The following SLC14A2 variants were observed in gnomAD, a reference collection of about 807,000 sequenced individuals.
The protein encoded by SLC14A2 is solute carrier family 14 member 2.
SLC14A2 carries 91 observed loss-of-function variants against 104.6 expected under a neutral mutation model. The ratio of observed to expected loss-of-function variants is 0.87; its 90% CI spans 0.73 to 1.04. The LOEUF is 1.04. Among genes scored for constraint, SLC14A2 ranks in the 50% least tolerant of loss-of-function variants. The pLI is 0.00. For synonymous variants in SLC14A2, 476 were observed against 466.4 expected (o/e 1.02, Z -0.27); for missense variants, 1,189 against 1,156.0 (o/e 1.03, Z -0.41).
intron 17 of SLC14A2, 62 bp downstream of exon 17, chr18:45,673,109 A>C: frequency 6.7e-7 from 1 of 1,485,080 alleles, no homozygotes; most frequent in South Asian, 1.2e-5. Context: ...CTCCAAATAA[A>C]ATGGTGACTC....
chr18:45,653,291 C>A, intron 10 of SLC14A2, among the ~76,000 whole-genome samples: 1 of 152,126 alleles, frequency 6.6e-6, no homozygotes, highest in Non-Finnish European at 1.5e-5. Flanking sequence ...GCTTTCCTTC[C>A]TCACAAGGCC....
At chr18:45,674,074 A>G (rs1372628754) in intron 18 of SLC14A2, among the ~76,000 whole-genome samples, 2 of 152,118 alleles carry the variant, frequency 1.3e-5, no homozygotes, top group Non-Finnish European at 2.9e-5. Context: ...CTCGTTACAT[A>G]TGGAATTGGG....
intron 10 of SLC14A2, among the ~76,000 whole-genome samples, chr18:45,649,801 C>A (rs2045698894): frequency 6.6e-6 from 1 of 152,232 alleles, no homozygotes; most frequent in Admixed American, 6.5e-5. Context: ...GAGTGTTACA[C>A]ATGAGAAATC....
At chr18:45,435,607 G>C (rs968515711) in intron 1 of SLC14A2, among the ~76,000 whole-genome samples, 10 of 152,134 alleles carry the variant, frequency 6.6e-5, no homozygotes, top group Non-Finnish European at 1.5e-4. Flanking sequence ...CACTGATGGA[G>C]TCCCTTTAAC....
chr18:45,353,842 C>A (rs557567945), intron 1 of SLC14A2, among the ~76,000 whole-genome samples: 29 of 152,268 alleles, frequency 1.9e-4, no homozygotes, highest in African/African-American at 7.0e-4. Flanking sequence ...CTGCTTGAGA[C>A]CTGCTTTACT....
At chr18:45,574,634 A>T (rs1330754434) in intron 2 of SLC14A2, among the ~76,000 whole-genome samples, 1 of 152,250 alleles carries the variant, frequency 6.6e-6, no homozygotes, top group African/African-American at 2.4e-5. Flanking sequence ...AAGCTGACAT[A>T]TACCATATGG....
intron 1 of SLC14A2, among the ~76,000 whole-genome samples, chr18:45,277,284 C>T (rs2084712564): frequency 6.6e-6 from 1 of 152,072 alleles, no homozygotes; most frequent in East Asian, 1.9e-4. Context: ...AATTCAGACA[C>T]ATTAAAATAT....
At chr18:45,551,477 T>C (rs12967734) in intron 2 of SLC14A2, among the ~76,000 whole-genome samples, 27,519 of 152,210 alleles carry the variant, frequency 0.18, 3,138 homozygotes, top group African/African-American at 0.31. Flanking sequence ...ACAACAGAAC[T>C]CAACCCATTT....
chr18:45,237,114 A>G (rs1413077798), intron 1 of SLC14A2, among the ~76,000 whole-genome samples: 2 of 152,178 alleles, frequency 1.3e-5, no homozygotes, highest in East Asian at 3.9e-4. Context: ...AAGAACATAG[A>G]GGACTGTGTG....
intron 2 of SLC14A2, among the ~76,000 whole-genome samples, chr18:45,496,885 A>G (rs2043107817): frequency 6.6e-6 from 1 of 152,160 alleles, no homozygotes; most frequent in Non-Finnish European, 1.5e-5. Flanking sequence ...CTTGGACATT[A>G]GACTCCAGGT....
the SLC14A2 span, among the ~76,000 whole-genome samples, chr18:45,193,956 G>C: frequency 6.6e-6 from 1 of 151,752 alleles, no homozygotes; most frequent in Non-Finnish European, 1.5e-5. Context: ...CCCAAATATT[G>C]CATATTTTTG....
intron 2 of SLC14A2, among the ~76,000 whole-genome samples, chr18:45,588,268 G>C (rs925536479): frequency 6.6e-6 from 1 of 152,188 alleles, no homozygotes; most frequent in African/African-American, 2.4e-5. Flanking sequence ...GAGGCTGGAG[G>C]TCAGTGAGTC....
intron 18 of SLC14A2, among the ~76,000 whole-genome samples, chr18:45,676,383 G>T (rs1240004749): frequency 6.6e-6 from 1 of 152,170 alleles, no homozygotes; most frequent in Non-Finnish European, 1.5e-5. Context: ...GGACATCTAG[G>T]ATACCAGCTG....
intron 1 of SLC14A2, among the ~76,000 whole-genome samples, chr18:45,260,134 G>A (rs949459414): frequency 7.2e-5 from 11 of 152,146 alleles, no homozygotes; most frequent in Admixed American, 2.0e-4. Context: ...GCAAAATCAC[G>A]AAATAGGAGA....
At chr18:45,371,558 G>C (rs192233532) in intron 1 of SLC14A2, among the ~76,000 whole-genome samples, 1 of 152,278 alleles carries the variant, frequency 6.6e-6, no homozygotes, top group Admixed American at 6.5e-5. Context: ...TTAAGTCTAA[G>C]TTTACACATG....
chr18:45,344,859 A>G (rs2085432213), intron 1 of SLC14A2, among the ~76,000 whole-genome samples: 1 of 152,128 alleles, frequency 6.6e-6, no homozygotes, highest in African/African-American at 2.4e-5. Context: ...TGCTCTCACT[A>G]TTGATTGTTG....
Position 45,639,775 on chromosome 18 carries a change from C to T in SLC14A2, c.873C>T (p.Gly291=), listed in dbSNP as rs550443409. 97 of 1,613,806 alleles carry T rather than the reference C, an allele frequency of 6.0e-5. No individual in the cohort carries two copies. Among genetic ancestry groups the T allele is most frequent in the Non-Finnish European group, 7.9e-5 (93 of 1,179,980 alleles). Residue 291 remains glycine (G), a synonymous_variant, in exon 7 of 20, where the codon GGC becomes GGT. Transcript: ENST00000255226. ...LLLQAIPVGV[G]QVYGCDNPWT... Reference sequence around the variant, plus strand: ...TACAAGCCATCCCTGTTGGGGTCGGCCAGGTGTATGGCTGTGACAATCCCT... The same window carrying T: ...TACAAGCCATCCCTGTTGGGGTCGGTCAGGTGTATGGCTGTGACAATCCCT...
At chr18:45,546,472 TC>T (rs2043971017) in intron 2 of SLC14A2, among the ~76,000 whole-genome samples, 1 of 152,198 alleles carries the variant, frequency 6.6e-6, no homozygotes. Flanking sequence ...CTTTTACCTC[TC>T]TTTGTCTGAA....
chr18:45,176,574 T>A, the SLC14A2 span, among the ~76,000 whole-genome samples: 2 of 152,244 alleles, frequency 1.3e-5, 1 homozygote, highest in Admixed American at 1.3e-4. Context: ...TTTTTTACAA[T>A]CCTCGCTAGA....
Sources: gnomAD v4.1 joint callset for allele counts (sites outside exome capture counted in the v4.1 genomes callset) on GRCh38, gnomAD v4.1.1 for gene constraint, MANE v1.5 for transcripts, NCBI Gene and HGNC (gene_info 2026-07-23, HGNC 2026-07-21) for gene names.